FOCAD: variants seen among roughly 807,000 people sequenced by gnomAD.
FOCAD encodes the protein KIAA1797.
FOCAD carries 198 observed loss-of-function variants against 225.6 expected under a neutral mutation model. That is an observed-to-expected ratio of 0.88 (90% confidence interval 0.78 to 0.99). FOCAD has a LOEUF of 0.99. Ranked by LOEUF, FOCAD falls within the 50% of genes least tolerant of loss-of-function variation. The probability of loss-of-function intolerance (pLI) is 0.00; values close to 1 mark genes in which losing one functional copy is unlikely to be tolerated. For synonymous variants in FOCAD, 897 were observed against 755.0 expected (o/e 1.19, Z -3.08); for missense variants, 2,713 against 2,123.6 (o/e 1.28, Z -5.46).
intron 9 of FOCAD, among the ~76,000 whole-genome samples, chr9:20,779,509 G>A (rs757034344): frequency 1.6e-4 from 25 of 152,210 alleles, no homozygotes; most frequent in Non-Finnish European, 3.1e-4. Flanking sequence ...CGCTTTGGGA[G>A]GCCGAAGTGG....
At chr9:20,909,620 T>C (rs1171408482) in intron 22 of FOCAD, among the ~76,000 whole-genome samples, 4 of 151,998 alleles carry the variant, frequency 2.6e-5, no homozygotes, top group Non-Finnish European at 5.9e-5. Flanking sequence ...TCCAGTTCCA[T>C]TGAGAATTGG....
intron 41 of FOCAD, 64 bp downstream of exon 41, chr9:20,988,493 A>C: frequency 1.2e-6 from 1 of 826,930 alleles, no homozygotes; most frequent in Admixed American, 2.9e-5. Context: ...GGTTGGTGCA[A>C]AAGTAATTGC....
intron 7 of FOCAD, among the ~76,000 whole-genome samples, chr9:20,769,452 T>A (rs530447670): frequency 7.9e-5 from 12 of 152,206 alleles, no homozygotes; most frequent in Middle Eastern, 3.2e-3. Flanking sequence ...TTGAATTGCA[T>A]TGGGATTTTC....
At chr9:20,937,142 G>A (rs2132258228) in intron 28 of FOCAD, among the ~76,000 whole-genome samples, 1 of 150,202 alleles carries the variant, frequency 6.7e-6, no homozygotes, top group South Asian at 2.2e-4. Context: ...TCGTGAAAAT[G>A]GCCATACTGC....
intron 10 of FOCAD, among the ~76,000 whole-genome samples, chr9:20,787,961 C>A (rs1315224777): frequency 6.6e-6 from 1 of 152,130 alleles, no homozygotes; most frequent in Non-Finnish European, 1.5e-5. Context: ...TGCATATCTA[C>A]TCTTAGGTAT....
intron 1 of FOCAD, among the ~76,000 whole-genome samples, chr9:20,687,732 C>T (rs1822749721): frequency 6.6e-6 from 1 of 152,204 alleles, no homozygotes; most frequent in Non-Finnish European, 1.5e-5. Flanking sequence ...TCAGCAAAGA[C>T]AGCAACTACT....
At chr9:20,720,135 G>A (rs1563911862) in intron 3 of FOCAD, among the ~76,000 whole-genome samples, 1 of 152,164 alleles carries the variant, frequency 6.6e-6, no homozygotes, top group African/African-American at 2.4e-5. Flanking sequence ...ACCTCTGCCT[G>A]CAGCCAGCCT....
chr9:20,827,818 G>A (rs552438910), intron 15 of FOCAD, among the ~76,000 whole-genome samples: 6 of 152,132 alleles, frequency 3.9e-5, no homozygotes, highest in African/African-American at 1.2e-4. Flanking sequence ...TTTAGATATC[G>A]AATGTAAAAC....
chr9:20,719,274 G>C (rs967295593), intron 3 of FOCAD, among the ~76,000 whole-genome samples: 3 of 152,024 alleles, frequency 2.0e-5, no homozygotes, highest in African/African-American at 7.2e-5. Flanking sequence ...GTAGAGACTG[G>C]GTTTCACCAT....
intron 16 of FOCAD, among the ~76,000 whole-genome samples, chr9:20,863,845 T>C (rs1021518512): frequency 6.6e-6 from 1 of 152,132 alleles, no homozygotes. Flanking sequence ...GCTTGTACCT[T>C]GAGTTAATCA....
intron 7 of FOCAD, among the ~76,000 whole-genome samples, chr9:20,765,717 G>A (rs572636697): frequency 6.6e-6 from 1 of 152,156 alleles, no homozygotes; most frequent in South Asian, 2.1e-4. Flanking sequence ...TTGAGTCATT[G>A]TCTCTATAAC....
chr9:20,720,612 C>T, intron 4 of FOCAD, 78 bp downstream of exon 4: 1 of 1,395,172 alleles, frequency 7.2e-7, no homozygotes, highest in Non-Finnish European at 9.9e-7. Context: ...TATTAAGAGT[C>T]AGCATTCATC....
intron 4 of FOCAD, among the ~76,000 whole-genome samples, chr9:20,737,000 T>C (rs1308871183): frequency 6.6e-6 from 1 of 152,092 alleles, no homozygotes; most frequent in Non-Finnish European, 1.5e-5. Flanking sequence ...CAATTAAATT[T>C]AAGGCAAATG....
intron 18 of FOCAD, chr9:20,874,195 C>T (rs906193234): frequency 1.3e-5 from 2 of 152,180 alleles, no homozygotes; most frequent in African/African-American, 4.8e-5. Context: ...TCAACTAAAG[C>T]ATTCTGTTGT....
chr9:20,923,482 A>G (rs952965076), intron 24 of FOCAD, among the ~76,000 whole-genome samples, 178 bp from the exon 25 acceptor site: 2 of 152,246 alleles, frequency 1.3e-5, no homozygotes, highest in Non-Finnish European at 1.5e-5. Flanking sequence ...AAACAGCTCT[A>G]GAGTCAGAAG....
At chr9:20,910,994 G>A (rs767059117) in intron 22 of FOCAD, among the ~76,000 whole-genome samples, 1 of 151,998 alleles carries the variant, frequency 6.6e-6, no homozygotes, top group African/African-American at 2.4e-5. Context: ...CTTGTGTTTT[G>A]TTTATCTTTA....
chr9:20,951,154 G>T, intron 34 of FOCAD, 56 bp downstream of exon 34: 1 of 1,327,744 alleles, frequency 7.5e-7, no homozygotes, highest in Non-Finnish European at 1.1e-6. Flanking sequence ...CCGACCCAGC[G>T]CTCTGTAGTT....
At chr9:20,819,934 A>G in intron 12 of FOCAD, 34 bp downstream of exon 12, 1 of 1,285,062 alleles carries the variant, frequency 7.8e-7, no homozygotes, top group South Asian at 1.4e-5. Flanking sequence ...TGGCGAAAAA[A>G]GTGAGTCATG....
In FOCAD at chr9:20,902,734, A is replaced by G. The variant is rs1832659568; in HGVS notation, c.2626-4416A>G. Among the ~76,000 whole-genome samples, 3 of 151,924 alleles carry G rather than the reference A, an allele frequency of 2.0e-5. No individual in the cohort carries two copies. In the South Asian group the frequency reaches 6.2e-4, roughly 31 times the overall value. ...GGGACATATATATTAAATATTTCAG[A>G]AGTAGACTCAAGAATTGAGTCTCAA... On this transcript the variant is annotated intron_variant, in intron 21 of 43. Transcript: ENST00000338382.
Sources: allele counts gnomAD v4.1 joint callset (sites outside exome capture counted in the v4.1 genomes callset), GRCh38; gene constraint gnomAD v4.1.1; transcripts MANE v1.5; gene names NCBI Gene and HGNC (gene_info 2026-07-23, HGNC 2026-07-21).